The following PRKN variants were observed in gnomAD, a reference collection of about 807,000 sequenced individuals.
PRKN encodes the protein E3 ubiquitin-protein ligase parkin.
In PRKN, 56 loss-of-function variants were observed where a neutral mutation model predicts 59.5. The observed-to-expected ratio is 0.94, with a 90% CI of 0.76 to 1.18. PRKN has a LOEUF of 1.18. Ranked by LOEUF, PRKN falls within the 50% of genes most tolerant of loss-of-function variation. The pLI, the probability that PRKN is intolerant of heterozygous loss-of-function variation, is 0.00. For missense variants in PRKN, 657 were observed against 596.4 expected (o/e 1.10, Z -1.06); for synonymous variants, 250 against 222.1 (o/e 1.13, Z -1.12).
At chr6:162,009,515 G>T (rs922747610) in intron 5 of PRKN, among the ~76,000 whole-genome samples, 36 of 151,978 alleles carry the variant, frequency 2.4e-4, no homozygotes, top group Admixed American at 9.8e-4. Context: ...GAGGTAAAAA[G>T]ATGTCATTTT....
rs1779900031 is a variant in PRKN at position 161,549,052 on chromosome 6, C to T, written c.934-49G>A. The T allele has an allele frequency of 6.2e-7, 1 of 1,609,864 alleles. No individual in the cohort carries two copies. Among genetic ancestry groups the T allele is most frequent in the East Asian group, 2.2e-5 (1 of 44,838 alleles). ...GAGCTTTCAAACTGACTGCAAATTTCAGCCAAAGGGTTAGGAGCTACAGTG... is the reference window on the plus strand; with the variant it reads ...GAGCTTTCAAACTGACTGCAAATTTTAGCCAAAGGGTTAGGAGCTACAGTG... On this transcript the variant is annotated intron_variant, in intron 8 of 11. Transcript: ENST00000366898. This position sits in a 1 kb window ranked among gnomAD's most constrained non-coding sequence, Gnocchi z 6.0.
chr6:162,520,549 G>A (rs1299132577), intron 1 of PRKN, among the ~76,000 whole-genome samples: 1 of 152,140 alleles, frequency 6.6e-6, no homozygotes, highest in East Asian at 1.9e-4. Flanking sequence ...ACAACTGGCT[G>A]CTACATCACT....
intron 5 of PRKN, among the ~76,000 whole-genome samples, chr6:161,977,073 G>A (rs1283583431): frequency 6.6e-6 from 1 of 152,176 alleles, no homozygotes; most frequent in East Asian, 1.9e-4. Context: ...GTAAATTTCA[G>A]TGCTTTCTCC....
Position 161,444,372 on chromosome 6 carries a change from T to C in PRKN, c.1084-57495A>G, listed in dbSNP as rs901020201. 6.6e-6 allele frequency among the ~76,000 whole-genome samples: 1 copy of C among 152,216 alleles called. No homozygotes were observed. The highest frequency in any genetic ancestry group is 1.5e-5 in the Non-Finnish European group (1 of 68,038). ...CTCTGTAATGGGTTTAGCCAAAGCA[T>C]CCCCACCACCTTCCTCCAGGAATGT... is the stretch of plus-strand genomic sequence containing the variant. On this transcript the variant is annotated intron_variant, in intron 9 of 11. Coordinates refer to ENST00000366898, the MANE Select transcript of PRKN (RefSeq NM_004562.3). The surrounding 1 kb of genome is among the most constrained non-coding windows in gnomAD (Gnocchi z 5.6).
chr6:162,291,581 C>A (rs1781430152), intron 2 of PRKN, among the ~76,000 whole-genome samples: 1 of 152,136 alleles, frequency 6.6e-6, no homozygotes, highest in Admixed American at 6.5e-5. Context: ...AGATGCCTCA[C>A]CTCCTGCTCG....
intron 2 of PRKN, among the ~76,000 whole-genome samples, chr6:162,339,696 AG>A (rs1183127322): frequency 2.0e-5 from 3 of 152,178 alleles, no homozygotes; most frequent in African/African-American, 7.2e-5. Flanking sequence ...TGGAATAGAA[AG>A]GGGGGAAGGG....
intron 6 of PRKN, among the ~76,000 whole-genome samples, chr6:161,908,357 A>G (rs1484080098): frequency 6.6e-6 from 1 of 152,158 alleles, no homozygotes; most frequent in Non-Finnish European, 1.5e-5. Flanking sequence ...AGCAAATTCA[A>G]CTGTATGTTC....
chr6:161,426,525 G>A (rs9456667), intron 9 of PRKN, among the ~76,000 whole-genome samples: 1,592 of 151,752 alleles, frequency 0.01, 33 homozygotes, highest in African/African-American at 0.036. Flanking sequence ...CTTGAACATC[G>A]AACTCCAAGT....
intron 7 of PRKN, among the ~76,000 whole-genome samples, chr6:161,716,977 G>C (rs543183514): frequency 3.3e-5 from 5 of 152,282 alleles, no homozygotes; most frequent in African/African-American, 1.2e-4. Context: ...TTATCGGAGG[G>C]TAACACGGGC....
intron 2 of PRKN, among the ~76,000 whole-genome samples, chr6:162,439,893 G>T (rs1049854260): frequency 6.6e-6 from 1 of 152,016 alleles, no homozygotes; most frequent in Non-Finnish European, 1.5e-5. Flanking sequence ...AAGGCTTCCC[G>T]TCAATAGCAG....
At chr6:161,644,491 C>T (rs2128159496) in intron 7 of PRKN, among the ~76,000 whole-genome samples, 1 of 152,322 alleles carries the variant, frequency 6.6e-6, no homozygotes, top group Middle Eastern at 3.4e-3. Context: ...GTGGATTTCG[C>T]CTGCCTGGCA....
chr6:162,364,606 G>A (rs1046387147), intron 2 of PRKN, among the ~76,000 whole-genome samples: 2 of 152,110 alleles, frequency 1.3e-5, no homozygotes, highest in Admixed American at 6.6e-5. Flanking sequence ...CCCCACGCTC[G>A]GTGCCTTATC....
intron 8 of PRKN, among the ~76,000 whole-genome samples, chr6:161,564,101 G>A (rs1780549847): frequency 6.6e-6 from 1 of 152,172 alleles, no homozygotes; most frequent in Non-Finnish European, 1.5e-5. Context: ...AGTGATAACA[G>A]TTGCCTCAAG....
Position 161,447,670 on chromosome 6 carries a change from T to G in PRKN, c.1084-60793A>C, listed in dbSNP as rs1789555903. Reference sequence around the variant, plus strand: ...CACCATGCCTGGCTAATTTTTTGTATTTTTAGTAGACACAGCGTTTCACCG... The same window carrying G: ...CACCATGCCTGGCTAATTTTTTGTAGTTTTAGTAGACACAGCGTTTCACCG... On this transcript the variant is annotated intron_variant, in intron 9 of 11. Transcript: ENST00000366898. This position sits in a 1 kb window ranked among gnomAD's most constrained non-coding sequence, Gnocchi z 4.1. 6.6e-6 allele frequency among the ~76,000 whole-genome samples: 1 copy of G among 152,150 alleles called. No homozygotes were observed. Among genetic ancestry groups the G allele is most frequent in the South Asian group, 2.1e-4 (1 of 4,824 alleles).
chr6:161,492,109 C>A (rs1442985479), intron 9 of PRKN, among the ~76,000 whole-genome samples: 2 of 151,898 alleles, frequency 1.3e-5, no homozygotes, highest in Non-Finnish European at 2.9e-5. Flanking sequence ...TGTTGAGAAC[C>A]AAATTAAATA....
chr6:162,555,691 A>C (rs1027598748), intron 1 of PRKN, among the ~76,000 whole-genome samples: 1 of 152,148 alleles, frequency 6.6e-6, no homozygotes, highest in East Asian at 1.9e-4. Context: ...TTTCATAATT[A>C]AAGTTTCTAA....
chr6:161,937,643 C>A (rs1779407523), intron 6 of PRKN, among the ~76,000 whole-genome samples: 1 of 152,132 alleles, frequency 6.6e-6, no homozygotes, highest in Admixed American at 6.6e-5. Context: ...TATCAGTGGA[C>A]TATGTTACGA....
intron 2 of PRKN, among the ~76,000 whole-genome samples, chr6:162,397,157 C>T (rs1433939142): frequency 6.6e-6 from 1 of 152,134 alleles, no homozygotes; most frequent in Non-Finnish European, 1.5e-5. Flanking sequence ...CTTTCTGTCA[C>T]CAAGAGGACA....
chr6:162,630,591 T>C (rs1783073647), intron 1 of PRKN, among the ~76,000 whole-genome samples: 1 of 152,128 alleles, frequency 6.6e-6, no homozygotes, highest in African/African-American at 2.4e-5. Context: ...CTACCTCCAA[T>C]AACTGATTCT....
Sources: allele counts gnomAD v4.1 joint callset (sites outside exome capture counted in the v4.1 genomes callset), GRCh38; gene constraint gnomAD v4.1.1; non-coding constraint Gnocchi (gnomAD v3.1); transcripts MANE v1.5; gene names NCBI Gene and HGNC (gene_info 2026-07-23, HGNC 2026-07-21).